RNASEH2A: variants seen among roughly 807,000 people sequenced by gnomAD.
The protein encoded by RNASEH2A is ribonuclease H2 subunit A, also known as RNase H(35).
Under a neutral mutation model 32.7 loss-of-function variants are expected in RNASEH2A, and 30 were observed. That is an observed-to-expected ratio of 0.92 (90% CI 0.69 to 1.25). RNASEH2A has a LOEUF of 1.25. RNASEH2A is among the 50% of genes most tolerant of loss of function. The pLI is 0.00. For synonymous variants in RNASEH2A, 147 were observed against 165.4 expected, an observed-to-expected ratio of 0.89 and a Z score of 0.86; for missense variants, 409 against 398.1, an observed-to-expected ratio of 1.03 and a Z score of -0.23.
At chr19:12,810,005 G>C in intron 4 of RNASEH2A, 66 bp from the exon 5 acceptor site, 1 of 1,604,222 alleles carries the variant, frequency 6.2e-7, no homozygotes, top group Non-Finnish European at 8.5e-7. Flanking sequence ...GAACGTGCCA[G>C]GGCTGTGAGG....
rs375841094 is a variant in RNASEH2A at position 12,809,157 on chromosome 19, C to T, written c.412-914C>T. Among the ~76,000 whole-genome samples the T allele has an allele frequency of 5.3e-5, 8 of 152,082 alleles. No homozygotes were observed. The East Asian group carries it at 1.5e-3, about 29-fold the overall frequency. ...TGGGAGGCCGAGGCGGGCGGATCAT[C>T]AGGTCAGGAGTTCGAGACCAGCCTG... On this transcript the variant is annotated intron_variant, in intron 4 of 7. Coordinates refer to ENST00000221486, the MANE Select transcript of RNASEH2A (RefSeq NM_006397.3).
At position 12,810,182 on chromosome 19, in the gene RNASEH2A, G is replaced by C. The variant is rs1232490306; in HGVS notation, c.523G>C (p.Val175Leu). Residue 175 changes from valine to leucine, a missense_variant, in exon 5 of 8, where the codon GTT becomes CTT. Physicochemically the swap from Val to Leu is conservative, Grantham distance 32 (BLOSUM62 1). Transcript: ENST00000221486. ...KAKADALYPV[V>L]SAASICAKVA... Reference sequence around the variant, plus strand: ...CAAAGCAGATGCCCTCTACCCGGTGGTTAGTGCTGCCAGCATCTGTGCCAA... The same window carrying C: ...CAAAGCAGATGCCCTCTACCCGGTGCTTAGTGCTGCCAGCATCTGTGCCAA... 6.2e-7 allele frequency: 1 copy of C among 1,614,126 alleles called. No individual in the cohort carries two copies. Among genetic ancestry groups the C allele is most frequent in the Non-Finnish European group, 8.5e-7 (1 of 1,180,056 alleles).
At position 12,807,080 on chromosome 19, in the gene RNASEH2A, G is replaced by A. The variant is rs1289090477; in HGVS notation, c.199+1G>A. Reference sequence around the variant, plus strand: ...GATCTGGAGGCGCTGAAAGTGGCAGGTGAGCCCGAGGTGTGCGTCTGGGGA... The same window carrying A: ...GATCTGGAGGCGCTGAAAGTGGCAGATGAGCCCGAGGTGTGCGTCTGGGGA... On this transcript the variant is annotated splice_donor_variant, in intron 2 of 7. Transcript: ENST00000221486. LOFTEE classifies it high-confidence loss of function. The A allele has an allele frequency of 1.2e-6, 2 of 1,614,042 alleles. No homozygotes were observed.
chr19:12,810,259 GC>G, intron 5 of RNASEH2A, 51 bp downstream of exon 5: 2 of 1,614,132 alleles, frequency 1.2e-6, no homozygotes, highest in Non-Finnish European at 1.7e-6. Flanking sequence ...CTATATAGGG[GC>G]CAGGCATGGC....
At chr19:12,809,508 CTT>C (rs1330107070) in intron 4 of RNASEH2A, among the ~76,000 whole-genome samples, 1 of 152,060 alleles carries the variant, frequency 6.6e-6, no homozygotes, top group Non-Finnish European at 1.5e-5. Context: ...ACCTAGCTAA[CTT>C]TTTATTTTTT....
chr19:12,807,382 T>G, intron 3 of RNASEH2A, 37 bp from the exon 4 acceptor site: 1 of 1,614,114 alleles, frequency 6.2e-7, no homozygotes, highest in Non-Finnish European at 8.5e-7. Context: ...GCTTTGTTCC[T>G]AGAATGAGAT....
chr19:12,807,076 G>T lies in RNASEH2A; in HGVS notation c.196G>T (p.Ala66Ser), dbSNP rs2145824584. Residue 66 changes from alanine to serine, a missense_variant, in exon 2 of 8, where the codon GCA (alanine) becomes TCA (serine). Ala to Ser is a moderately conservative substitution (Grantham distance 99). Coordinates refer to ENST00000221486, the MANE Select transcript of RNASEH2A (RefSeq NM_006397.3). ...GGCAGATCTGGAGGCGCTGAAAGTG[G>T]CAGGTGAGCCCGAGGTGTGCGTCTG... ...RLADLEALKV[A>S]DSKTLLESER... 6.2e-7 allele frequency: 1 copy of T among 1,614,164 alleles called. No individual in the cohort carries two copies.
In RNASEH2A at chr19:12,806,780, C is replaced by A. The variant is rs770612177; in HGVS notation, c.107C>A (p.Ala36Glu). 3.2e-6 allele frequency: 5 copies of A among 1,576,646 alleles called. No homozygotes were observed. Among genetic ancestry groups the A allele is most frequent in the Non-Finnish European group, 3.4e-6 (4 of 1,161,266 alleles). Reference protein sequence around the residue: ...KEPCVLGVDEAGRGPVLGPMV... With the variant: ...KEPCVLGVDEEGRGPVLGPMV... The stretch of plus-strand genomic sequence containing the variant: ...CCTTGCGTCCTGGGCGTCGATGAGG[C>A]GGGCAGGGGCCCCGTGCTGGGTGCG... The change falls in exon 1 of 8, where the codon GCG (alanine) becomes GAG (glutamate). Residue 36 changes from alanine (A) to glutamate (E), a missense_variant. Coordinates refer to ENST00000221486, the MANE Select transcript of RNASEH2A (RefSeq NM_006397.3).
At chr19:12,807,172 A>G in intron 2 of RNASEH2A, 34 bp from the exon 3 acceptor site, 1 of 1,614,140 alleles carries the variant, frequency 6.2e-7, no homozygotes, top group Non-Finnish European at 8.5e-7. Flanking sequence ...TGGGAGAACC[A>G]GCTGTTCCCC....
At chr19:12,812,916 A>G (rs1479509852) in intron 6 of RNASEH2A, among the ~76,000 whole-genome samples, 167 bp from the exon 7 acceptor site, 3 of 152,078 alleles carry the variant, frequency 2.0e-5, no homozygotes, top group Non-Finnish European at 2.9e-5. Context: ...GAGGCAGGAG[A>G]ATCGCTTGAA....
intron 6 of RNASEH2A, among the ~76,000 whole-genome samples, chr19:12,811,760 A>C (rs949261272): frequency 2.6e-5 from 4 of 151,944 alleles, no homozygotes; most frequent in African/African-American, 7.3e-5. Flanking sequence ...TCTACTAAAA[A>C]TACAAAATTA....
chr19:12,813,536 T>C lies in RNASEH2A; in HGVS notation c.*70T>C, dbSNP rs978836019. 1.9e-5 allele frequency: 30 copies of C among 1,592,662 alleles called. No homozygotes were observed. Among genetic ancestry groups the C allele is most frequent in the Admixed American group, 3.3e-5 (2 of 59,930 alleles). On this transcript the variant is annotated 3_prime_UTR_variant, in exon 8 of 8. Transcript: ENST00000221486. ...AAAATTGTTTAAGGAGAACCACACG[T>C]AGGGGATGTACTTTTGGGACAGAAG...
rs766876150 is a variant in RNASEH2A, at chr19:12,813,391, A to G, written c.825A>G (p.Glu275=). 3 of 1,614,106 alleles carry G rather than the reference A, an allele frequency of 1.9e-6. No homozygotes were observed. Among genetic ancestry groups the G allele is most frequent in the Non-Finnish European group, 2.5e-6 (3 of 1,179,996 alleles). ...AGATCACATCCTACTTCCTCAATGA[A>G]GGGTCCCAAGCCCGTCCCCGTTCTT... ...LRKITSYFLN[E]GSQARPRSSH... Residue 275 remains glutamate, a synonymous_variant, in exon 8 of 8, where the codon GAA becomes GAG. Coordinates refer to ENST00000221486, the MANE Select transcript of RNASEH2A (RefSeq NM_006397.3).
At chr19:12,810,039 G>C (rs559800614) in intron 4 of RNASEH2A, 32 bp from the exon 5 acceptor site, 6 of 1,613,884 alleles carry the variant, frequency 3.7e-6, no homozygotes, top group Middle Eastern at 3.3e-4. Context: ...ACAGTTGTTT[G>C]TTCAATTAAT....
chr19:12,808,660 C>G (rs1969030660), intron 4 of RNASEH2A, among the ~76,000 whole-genome samples: 1 of 152,172 alleles, frequency 6.6e-6, no homozygotes, highest in South Asian at 2.1e-4. Flanking sequence ...GAAATTAAAT[C>G]AGGAAAATTC....
Position 12,806,610 on chromosome 19 carries a change from ACG to A in RNASEH2A, c.-58_-57del. 2 of 1,549,480 alleles carry A rather than the reference ACG, an allele frequency of 1.3e-6. No individual in the cohort carries two copies. The highest frequency in any genetic ancestry group is 1.2e-5 in the South Asian group (1 of 84,088). On this transcript the variant is annotated 5_prime_UTR_variant, in exon 1 of 8. Coordinates refer to ENST00000221486, the MANE Select transcript of RNASEH2A (RefSeq NM_006397.3). The stretch of plus-strand genomic sequence containing the variant: ...GGCGCCGCTTCGAGGCCCGCGGAAA[ACG>A]CGCGCCGAGACCCGCTCCTGCAGTA...
At chr19:12,813,017 A>AG (rs1262169645) in intron 6 of RNASEH2A, 66 bp from the exon 7 acceptor site, 40 of 1,608,364 alleles carry the variant, frequency 2.5e-5, no homozygotes, top group Non-Finnish European at 1.3e-5. Context: ...GAAAAAAAAA[A>AG]GAGTGGCAGG....
chr19:12,809,782 A>G (rs1282135844), intron 4 of RNASEH2A, among the ~76,000 whole-genome samples: 1 of 151,932 alleles, frequency 6.6e-6, no homozygotes, highest in Non-Finnish European at 1.5e-5. Flanking sequence ...TATTGTATTT[A>G]TTTTATGTTT....
chr19:12,811,871 C>T (rs1030505267), intron 6 of RNASEH2A, among the ~76,000 whole-genome samples: 5 of 150,918 alleles, frequency 3.3e-5, no homozygotes, highest in African/African-American at 4.9e-5. Flanking sequence ...GAGCCGAGAT[C>T]GCATAATTGC....
Sources: gnomAD v4.1 joint callset for allele counts (sites outside exome capture counted in the v4.1 genomes callset) on GRCh38, gnomAD v4.1.1 for gene constraint, MANE v1.5 for transcripts, NCBI Gene and HGNC (gene_info 2026-07-23, HGNC 2026-07-21) for gene names.